Variants in SLC38A1 observed in about 807,000 individuals in gnomAD.
The protein encoded by SLC38A1 is sodium-coupled neutral amino acid symporter 1.
Under a neutral mutation model 60.3 loss-of-function variants are expected in SLC38A1, and 18 were observed. The ratio of observed to expected loss-of-function variants is 0.30; its 90% CI spans 0.21 to 0.44. The LOEUF is 0.44. Among genes scored for constraint, SLC38A1 ranks in the 20% least tolerant of loss-of-function variants. The probability of loss-of-function intolerance (pLI) is 1.00; values close to 1 mark genes in which losing one functional copy is unlikely to be tolerated. For synonymous variants in SLC38A1, 196 were observed against 212.1 expected (o/e 0.92, Z 0.66); for missense variants, 448 against 587.2 (o/e 0.76, Z 2.45).
chr12:46,218,878 G>A (rs975234618), intron 5 of SLC38A1, among the ~76,000 whole-genome samples: 2 of 152,088 alleles, frequency 1.3e-5, no homozygotes, highest in African/African-American at 4.8e-5. Flanking sequence ...GTTCCTGGGT[G>A]CAATGGCAGA....
chr12:46,261,123 C>T (rs1036768631), intron 1 of SLC38A1, among the ~76,000 whole-genome samples: 9 of 152,214 alleles, frequency 5.9e-5, no homozygotes, highest in Non-Finnish European at 2.9e-5. Flanking sequence ...CTCCACCTTC[C>T]CATGAAGCCT....
At chr12:46,249,870 C>T in intron 1 of SLC38A1, among the ~76,000 whole-genome samples, 1 of 152,078 alleles carries the variant, frequency 6.6e-6, no homozygotes. Flanking sequence ...AAAAGAAGTC[C>T]AGGACCAGAC....
chr12:46,220,893 A>C (rs570397736), intron 5 of SLC38A1, among the ~76,000 whole-genome samples: 5 of 152,296 alleles, frequency 3.3e-5, no homozygotes, highest in South Asian at 4.1e-4. Flanking sequence ...GTGATGGGAT[A>C]ATAATGATCA....
Position 46,183,655 on chromosome 12 carries a change from A to G in SLC38A1, c.*5315T>C, listed in dbSNP as rs1938843124. ...AATGGAAGATCATTATGAAGAAACA[A>G]TTTGTCATTTGGGTATATCTGTTTC... On this transcript the variant is annotated 3_prime_UTR_variant, in exon 17 of 17. Transcript: ENST00000398637. The G allele has an allele frequency of 1.3e-5, 2 of 152,168 alleles. No homozygotes were observed. The highest frequency in any genetic ancestry group is 2.1e-4 in the South Asian group (1 of 4,832). 9.4% of individuals were successfully genotyped at this position (152,168 alleles called of 1,614,324 possible). A position where few individuals can be genotyped will look rare whatever the true frequency, so the allele number is the denominator to read the frequency against.
chr12:46,266,697 T>A (rs1421488939), intron 1 of SLC38A1, among the ~76,000 whole-genome samples: 3 of 152,250 alleles, frequency 2.0e-5, no homozygotes, highest in Middle Eastern at 3.4e-3. Context: ...GGAAGCTTCA[T>A]AGAAGGTGAA....
intron 16 of SLC38A1, among the ~76,000 whole-genome samples, chr12:46,194,105 A>G (rs953246268): frequency 6.6e-5 from 10 of 152,162 alleles, no homozygotes; most frequent in African/African-American, 2.4e-4. Context: ...TGCTTCCTTC[A>G]GGAGCTTTTG....
chr12:46,251,137 C>G (rs1042370449), intron 1 of SLC38A1, among the ~76,000 whole-genome samples: 1 of 152,076 alleles, frequency 6.6e-6, no homozygotes, highest in African/African-American at 2.4e-5. Context: ...GTACTGGTAC[C>G]AAAACAGATA....
intron 5 of SLC38A1, among the ~76,000 whole-genome samples, chr12:46,227,810 C>G (rs1940923979): frequency 6.6e-6 from 1 of 152,044 alleles, no homozygotes; most frequent in East Asian, 1.9e-4. Flanking sequence ...AACTGAAGCT[C>G]AGAGTGGCTA....
intron 3 of SLC38A1, among the ~76,000 whole-genome samples, chr12:46,230,344 G>C (rs925970850): frequency 6.6e-6 from 1 of 152,164 alleles, no homozygotes; most frequent in Admixed American, 6.5e-5. Flanking sequence ...GGGAGGCAAG[G>C]CATATGGTCG....
In SLC38A1 at chr12:46,183,707, A is replaced by G. The variant is rs1487825809; in HGVS notation, c.*5263T>C. On this transcript the variant is annotated 3_prime_UTR_variant, in exon 17 of 17. Coordinates refer to ENST00000398637, the MANE Select transcript of SLC38A1 (RefSeq NM_030674.4). ...ATAGGACAAGGATTTGTGTCTAAATATTCCTTACTTGTATCTCAGAGGACT... is the reference window on the plus strand; with the variant it reads ...ATAGGACAAGGATTTGTGTCTAAATGTTCCTTACTTGTATCTCAGAGGACT... The G allele has an allele frequency of 6.6e-6, 1 of 152,222 alleles. No homozygotes were observed. Among genetic ancestry groups the G allele is most frequent in the African/African-American group, 2.4e-5 (1 of 41,460 alleles). 9.4% of individuals were successfully genotyped at this position (152,222 alleles called of 1,614,324 possible). A position where few individuals can be genotyped will look rare whatever the true frequency, so the allele number is the denominator to read the frequency against.
At chr12:46,245,513 G>T (rs1271432063) in intron 1 of SLC38A1, among the ~76,000 whole-genome samples, 5 of 152,308 alleles carry the variant, frequency 3.3e-5, no homozygotes, top group African/African-American at 9.6e-5. Flanking sequence ...ACTGTTGGAG[G>T]GAAGGTAGTT....
In SLC38A1 at chr12:46,204,608, A is replaced by G. The variant is rs761942972; in HGVS notation, c.647-18T>C. 2.5e-6 allele frequency: 4 copies of G among 1,570,044 alleles called. No homozygotes were observed. The highest frequency in any genetic ancestry group is 3.4e-6 in the Non-Finnish European group (4 of 1,159,904). ...AAGATACCCTTTAAAAAAAAGTAAA[A>G]AATAAATTATTTCATTTTTTTCCAT... On this transcript the variant is annotated intron_variant, in intron 9 of 16. Coordinates refer to ENST00000398637, the MANE Select transcript of SLC38A1 (RefSeq NM_030674.4).
chr12:46,254,665 AG>A (rs1941964232), intron 1 of SLC38A1: 1 of 152,242 alleles, frequency 6.6e-6, no homozygotes, highest in African/African-American at 2.4e-5. Context: ...TTTACAAGTC[AG>A]GTTTGATTCC....
At chr12:46,222,426 T>G (rs778930185) in intron 5 of SLC38A1, among the ~76,000 whole-genome samples, 1 of 152,166 alleles carries the variant, frequency 6.6e-6, no homozygotes, top group African/African-American at 2.4e-5. Flanking sequence ...CCTCCTTCCA[T>G]GCTCACTTCC....
At position 46,184,829 on chromosome 12, in the gene SLC38A1, T is replaced by C. The variant is rs940072430; in HGVS notation, c.*4141A>G. 2 of 152,222 alleles carry C rather than the reference T, an allele frequency of 1.3e-5. No individual in the cohort carries two copies. The highest frequency in any genetic ancestry group is 2.4e-5 in the African/African-American group (1 of 41,454). The allele number at this position is 152,222 out of a possible 1,614,324, so 9.4% of individuals were successfully genotyped here. On this transcript the variant is annotated 3_prime_UTR_variant, in exon 17 of 17. Transcript: ENST00000398637. ...CGCCCCAACCAAAGCCTCACTTTCA[T>C]TTCCTCACAGCTTTAAAAAATAAAA...
At chr12:46,255,489 C>G (rs1425471551) in intron 1 of SLC38A1, among the ~76,000 whole-genome samples, 1 of 152,198 alleles carries the variant, frequency 6.6e-6, no homozygotes, top group Admixed American at 6.5e-5. Context: ...CTTGCTTAAA[C>G]CTTCAGCTTT....
chr12:46,205,375 G>T lies in SLC38A1; in HGVS notation c.646+705C>A, dbSNP rs563509339. On this transcript the variant is annotated intron_variant, in intron 9 of 16. Coordinates refer to ENST00000398637, the MANE Select transcript of SLC38A1 (RefSeq NM_030674.4). Reference sequence around the variant, plus strand: ...TATCCAAAACAAAACAAAAAACTAAGGCTCATAATTATTGTTTGGAGAGCT... The same window carrying T: ...TATCCAAAACAAAACAAAAAACTAATGCTCATAATTATTGTTTGGAGAGCT... 2.0e-5 allele frequency among the ~76,000 whole-genome samples: 3 copies of T among 152,068 alleles called. No homozygotes were observed. In the East Asian group the frequency reaches 5.8e-4, roughly 29 times the overall value.
intron 9 of SLC38A1, among the ~76,000 whole-genome samples, chr12:46,205,212 G>T (rs995278209): frequency 2.6e-5 from 4 of 152,056 alleles, no homozygotes; most frequent in Admixed American, 2.6e-4. Context: ...CAACCCAGGG[G>T]AAGAGCTTTT....
At chr12:46,255,749 G>A (rs1382201250) in intron 1 of SLC38A1, among the ~76,000 whole-genome samples, 1 of 152,210 alleles carries the variant, frequency 6.6e-6, no homozygotes, top group Non-Finnish European at 1.5e-5. Context: ...GCACACAGAA[G>A]TGCAGATAAG....
Sources: gnomAD v4.1 joint callset for allele counts (sites outside exome capture counted in the v4.1 genomes callset) on GRCh38, gnomAD v4.1.1 for gene constraint, MANE v1.5 for transcripts, NCBI Gene and HGNC (gene_info 2026-07-23, HGNC 2026-07-21) for gene names.